The following PEAK1 variants were observed in gnomAD, a reference collection of about 807,000 sequenced individuals.
PEAK1 encodes pseudopodium enriched atypical kinase 1.
PEAK1 carries 54 observed loss-of-function variants against 124.7 expected under a neutral mutation model. That is an observed-to-expected ratio of 0.43 (90% CI 0.35 to 0.54). PEAK1 has a LOEUF of 0.54. Ranked by LOEUF, PEAK1 falls within the 20% of genes least tolerant of loss-of-function variation. PEAK1 has a pLI of 0.01. For synonymous variants in PEAK1, 719 were observed against 760.0 expected (o/e 0.95, Z 0.89); for missense variants, 2,046 against 2,134.5 (o/e 0.96, Z 0.82).
Position 77,387,369 on chromosome 15 carries a change from T to C in PEAK1, c.-665-22144A>G, listed in dbSNP as rs137926353. Among the ~76,000 whole-genome samples the C allele has an allele frequency of 4.8e-3, 732 of 152,340 alleles. 4 individuals carry two copies. The highest frequency in any genetic ancestry group is 0.016 in the African/African-American group (679 of 41,580). On this transcript the variant is annotated intron_variant, in intron 1 of 9. Coordinates refer to ENST00000682557, the MANE Select transcript of PEAK1 (RefSeq NM_001385026.1). ...TAAAATAATTTTGTAGGGTAAGAATTCCCTCATACTAGGTTACAAATATTT... is the reference window on the plus strand; with the variant it reads ...TAAAATAATTTTGTAGGGTAAGAATCCCCTCATACTAGGTTACAAATATTT...
At chr15:77,293,299 C>A (rs563240484) in intron 2 of PEAK1, among the ~76,000 whole-genome samples, 12 of 152,342 alleles carry the variant, frequency 7.9e-5, no homozygotes, top group Admixed American at 7.8e-4. Flanking sequence ...TCATATTCTT[C>A]ATTTCCTGGT....
intron 7 of PEAK1, among the ~76,000 whole-genome samples, chr15:77,173,978 T>C (rs2056681842): frequency 6.6e-6 from 1 of 152,218 alleles, no homozygotes; most frequent in Admixed American, 6.5e-5. Context: ...GGATAAGCTT[T>C]TTATATGTTT....
rs781059716 is a variant in PEAK1, at chr15:77,133,193, C to A, written c.3889G>T (p.Ala1297Ser). ...VGKIRSLHTD[A>S]LKKLAVKCED... Reference sequence around the variant, plus strand: ...CATTTAACAGCCAGTTTCTTCAAGGCATCTGTATGAAGGCTTCGGATTTTA... The same window carrying A: ...CATTTAACAGCCAGTTTCTTCAAGGAATCTGTATGAAGGCTTCGGATTTTA... The change falls in exon 9 of 10, where the codon GCC becomes TCC. Residue 1297 changes from alanine to serine, a missense_variant. Ala to Ser is a moderately conservative substitution (Grantham distance 99). Coordinates refer to ENST00000682557, the MANE Select transcript of PEAK1 (RefSeq NM_001385026.1). The surrounding 1 kb of genome is among the most constrained non-coding windows in gnomAD (Gnocchi z 4.2). The A allele has an allele frequency of 1.9e-5, 30 of 1,614,094 alleles. No individual in the cohort carries two copies. Among genetic ancestry groups the A allele is most frequent in the Non-Finnish European group, 2.0e-5 (24 of 1,180,046 alleles).
chr15:77,196,060 T>C (rs2058087384), intron 6 of PEAK1, among the ~76,000 whole-genome samples: 2 of 152,242 alleles, frequency 1.3e-5, no homozygotes, highest in Admixed American at 1.3e-4. Context: ...AGCTAAATAT[T>C]GGGTCTATAG....
At chr15:77,115,429 A>G (rs1460244325) in intron 9 of PEAK1, 110 bp from the exon 10 acceptor site, 2 of 1,016,482 alleles carry the variant, frequency 2.0e-6, no homozygotes, top group Non-Finnish European at 2.8e-6. Flanking sequence ...ATCATATAGT[A>G]AAGTTGTTCG....
intron 9 of PEAK1, among the ~76,000 whole-genome samples, chr15:77,116,906 A>G (rs1404489899): frequency 6.6e-6 from 1 of 152,216 alleles, no homozygotes; most frequent in Non-Finnish European, 1.5e-5. Context: ...AGAAAATATT[A>G]TCTCTGGAAA....
intron 2 of PEAK1, among the ~76,000 whole-genome samples, chr15:77,297,983 G>A (rs1275631753): frequency 9.6e-5 from 14 of 145,248 alleles, no homozygotes; most frequent in South Asian, 2.2e-4. Flanking sequence ...GCGTGAAGCC[G>A]GGAAGCGGAG....
In PEAK1 at chr15:77,271,209, C is replaced by T. The variant is rs531279400; in HGVS notation, c.-275+12674G>A. ...CCATCATCACTGGCCATCAGAGAAA[C>T]GCAAAACTAAACCGCAATGAGATAC... On this transcript the variant is annotated intron_variant, in intron 5 of 9. Transcript: ENST00000682557. 2.5e-3 allele frequency among the ~76,000 whole-genome samples: 385 copies of T among 152,254 alleles called. 2 individuals carry two copies. The highest frequency in any genetic ancestry group is 0.011 in the South Asian group (53 of 4,822).
At chr15:77,315,757 T>C (rs936753796) in intron 2 of PEAK1, among the ~76,000 whole-genome samples, 2 of 151,850 alleles carry the variant, frequency 1.3e-5, no homozygotes, top group Non-Finnish European at 2.9e-5. Context: ...TTCTACAATA[T>C]CCCTCACCAG....
intron 2 of PEAK1, among the ~76,000 whole-genome samples, chr15:77,328,725 A>C (rs2065723340): frequency 6.6e-6 from 1 of 152,160 alleles, no homozygotes; most frequent in African/African-American, 2.4e-5. Flanking sequence ...AGTGCCACAC[A>C]CAATTCACAG....
intron 2 of PEAK1, among the ~76,000 whole-genome samples, chr15:77,358,602 G>T (rs1440771138): frequency 6.6e-6 from 1 of 152,102 alleles, no homozygotes; most frequent in East Asian, 1.9e-4. Context: ...CTGAGCATTG[G>T]GGGATTTAAA....
intron 2 of PEAK1, chr15:77,337,729 A>G (rs1024714924): frequency 1.0e-6 from 1 of 985,262 alleles, no homozygotes; most frequent in Non-Finnish European, 1.2e-6. Context: ...CACAGTTATG[A>G]ACATAGTGTC....
chr15:77,124,587 T>C (rs2052212081), intron 9 of PEAK1, among the ~76,000 whole-genome samples: 1 of 152,232 alleles, frequency 6.6e-6, no homozygotes, highest in African/African-American at 2.4e-5. Flanking sequence ...CTGCCCCTTC[T>C]TTTCCTTTGC....
intron 2 of PEAK1, among the ~76,000 whole-genome samples, chr15:77,287,136 A>C (rs1172511085): frequency 6.6e-6 from 1 of 152,174 alleles, no homozygotes; most frequent in Admixed American, 6.5e-5. Flanking sequence ...AAAAAGATTA[A>C]AAGGGCCACA....
intron 6 of PEAK1, among the ~76,000 whole-genome samples, chr15:77,195,910 A>G (rs898068239): frequency 2.0e-5 from 3 of 152,194 alleles, no homozygotes; most frequent in African/African-American, 7.2e-5. Flanking sequence ...TGCAATACTC[A>G]CAAGTGTCTT....
intron 6 of PEAK1, among the ~76,000 whole-genome samples, chr15:77,202,701 G>A (rs188006750): frequency 5.9e-5 from 9 of 151,812 alleles, no homozygotes; most frequent in Admixed American, 3.3e-4. Context: ...ACCCGGAGGC[G>A]GAGCTTGCAG....
chr15:77,116,704 CT>C (rs754809446), intron 9 of PEAK1, among the ~76,000 whole-genome samples: 3,118 of 14,442 alleles, frequency 0.22, 36 homozygotes, highest in South Asian at 0.34. Flanking sequence ...ATCAATCAAT[CT>C]ATCTATCTAT....
chr15:77,332,382 G>A (rs1027904118), intron 2 of PEAK1: 38 of 415,768 alleles, frequency 9.1e-5, no homozygotes, highest in Non-Finnish European at 1.2e-4. Context: ...GGCAGATCAC[G>A]AGGTCAGGAG....
chr15:77,279,822 G>A lies in PEAK1; in HGVS notation c.-275+4061C>T, dbSNP rs543403327. On this transcript the variant is annotated intron_variant, in intron 5 of 9. Coordinates refer to ENST00000682557, the MANE Select transcript of PEAK1 (RefSeq NM_001385026.1). The stretch of plus-strand genomic sequence containing the variant: ...ATTTATGGAAGGTATCTTTAATAAA[G>A]CTGGATACAGTTTAGCTAGGAAAAA... Among the ~76,000 whole-genome samples, 7 of 152,240 alleles carry A rather than the reference G, an allele frequency of 4.6e-5. No homozygotes were observed. The South Asian group carries it at 1.4e-3, about 32-fold the overall frequency.
Sources: gnomAD v4.1 joint callset for allele counts (sites outside exome capture counted in the v4.1 genomes callset) on GRCh38, gnomAD v4.1.1 for gene constraint, Gnocchi (gnomAD v3.1) non-coding constraint, MANE v1.5 for transcripts, NCBI Gene and HGNC (gene_info 2026-07-23, HGNC 2026-07-21) for gene names.